The following EDIL3 variants were observed in gnomAD, a reference collection of about 807,000 sequenced individuals.
EDIL3 encodes EGF-like repeat and discoidin I-like domain-containing protein 3.
EDIL3 carries 37 observed loss-of-function variants against 67.4 expected under a neutral mutation model. That is an observed-to-expected ratio of 0.55 (90% CI 0.42 to 0.72). EDIL3 has a LOEUF of 0.72. Ranked by LOEUF, EDIL3 falls within the 30% of genes least tolerant of loss-of-function variation. EDIL3 has a pLI of 0.00. For synonymous variants in EDIL3, 195 were observed against 196.3 expected (o/e 0.99, Z 0.05); for missense variants, 527 against 586.3 (o/e 0.90, Z 1.04).
intron 3 of EDIL3, among the ~76,000 whole-genome samples, chr5:84,226,143 G>A (rs544419116): frequency 7.9e-5 from 12 of 151,528 alleles, no homozygotes; most frequent in African/African-American, 1.7e-4. Flanking sequence ...CTGAATTAAC[G>A]TACATTTTTT....
intron 1 of EDIL3, among the ~76,000 whole-genome samples, chr5:84,271,414 TACAAATAAATAAATAA>T (rs1745470500): frequency 1.0e-5 from 1 of 96,340 alleles, no homozygotes; most frequent in Non-Finnish European, 2.1e-5. Flanking sequence ...ACTCTGTCTC[TACAAATAAATAAATAA>T]ATAAATAAAT....
intron 3 of EDIL3, among the ~76,000 whole-genome samples, chr5:84,195,179 TTTC>T (rs1447693834): frequency 3.9e-5 from 6 of 151,948 alleles, no homozygotes; most frequent in African/African-American, 1.4e-4. Flanking sequence ...TCCACTATCT[TTTC>T]TTATTACCAA....
chr5:83,981,825 T>G (rs1744976134), intron 9 of EDIL3, among the ~76,000 whole-genome samples: 1 of 152,052 alleles, frequency 6.6e-6, no homozygotes, highest in Admixed American at 6.6e-5. Flanking sequence ...ATAACTAACA[T>G]TAAGTCATTC....
At chr5:84,360,006 A>AT (rs1383140384) in intron 1 of EDIL3, among the ~76,000 whole-genome samples, 7 of 152,204 alleles carry the variant, frequency 4.6e-5, no homozygotes, top group Non-Finnish European at 1.0e-4. Flanking sequence ...TACTTTTTGA[A>AT]TTATGTATCC....
chr5:84,117,731 A>C (rs1288349737), intron 5 of EDIL3, among the ~76,000 whole-genome samples: 1 of 149,360 alleles, frequency 6.7e-6, no homozygotes, highest in Non-Finnish European at 1.5e-5. Flanking sequence ...TTTTTTTTTC[A>C]TTTTGGCTTT....
At chr5:84,147,832 A>G (rs1307917665) in intron 4 of EDIL3, among the ~76,000 whole-genome samples, 1 of 152,106 alleles carries the variant, frequency 6.6e-6, no homozygotes, top group Non-Finnish European at 1.5e-5. Flanking sequence ...TTTGTTATAC[A>G]GAAAGATAAT....
intron 4 of EDIL3, among the ~76,000 whole-genome samples, chr5:84,138,081 G>T (rs1321010759): frequency 6.6e-6 from 1 of 152,114 alleles, no homozygotes; most frequent in African/African-American, 2.4e-5. Context: ...GAACACAAAA[G>T]AAACAATGAC....
chr5:84,141,730 C>T (rs1404863946), intron 4 of EDIL3, among the ~76,000 whole-genome samples: 1 of 148,808 alleles, frequency 6.7e-6, no homozygotes, highest in Non-Finnish European at 1.5e-5. Context: ...TACACAGATT[C>T]ATTGATTTTA....
At chr5:84,123,535 A>G (rs164433) in intron 5 of EDIL3, among the ~76,000 whole-genome samples, 46,484 of 151,852 alleles carry the variant, frequency 0.31, 7,691 homozygotes, top group Non-Finnish European at 0.37. Context: ...AAGTAAATTG[A>G]GTAAAATAAA....
chr5:84,301,397 T>C (rs79072162), intron 1 of EDIL3, among the ~76,000 whole-genome samples: 1,758 of 152,284 alleles, frequency 0.012, 30 homozygotes, highest in African/African-American at 0.04. Context: ...AAGATAGTTA[T>C]TATGACAGGA....
intron 9 of EDIL3, among the ~76,000 whole-genome samples, chr5:84,028,101 G>A (rs892700703): frequency 6.6e-6 from 1 of 152,110 alleles, no homozygotes; most frequent in Non-Finnish European, 1.5e-5. Context: ...ATTGTGAAAT[G>A]TAATAATCGG....
At chr5:84,222,846 C>T (rs557504825) in intron 3 of EDIL3, among the ~76,000 whole-genome samples, 1 of 151,800 alleles carries the variant, frequency 6.6e-6, no homozygotes, top group Admixed American at 6.6e-5. Context: ...TTGCGATTGA[C>T]TCATATGAGT....
At chr5:84,298,501 A>G (rs920096498) in intron 1 of EDIL3, among the ~76,000 whole-genome samples, 11 of 152,170 alleles carry the variant, frequency 7.2e-5, no homozygotes, top group Admixed American at 1.3e-4. Context: ...GCATCAGGAA[A>G]AACAGCTAAT....
At chr5:84,354,465 T>G (rs1477852605) in intron 1 of EDIL3, among the ~76,000 whole-genome samples, 3 of 152,032 alleles carry the variant, frequency 2.0e-5, no homozygotes, top group Admixed American at 6.6e-5. Flanking sequence ...GAGACCAGAC[T>G]GGCCAATGTG....
chr5:84,344,485 C>G (rs1205660079), intron 1 of EDIL3, among the ~76,000 whole-genome samples: 3 of 151,820 alleles, frequency 2.0e-5, no homozygotes, highest in Non-Finnish European at 2.9e-5. Context: ...ATTTTAAACA[C>G]GTTACCAACA....
intron 1 of EDIL3, among the ~76,000 whole-genome samples, chr5:84,267,205 T>C (rs1745368481): frequency 6.6e-6 from 1 of 152,172 alleles, no homozygotes; most frequent in Non-Finnish European, 1.5e-5. Context: ...GGTCTCTTCA[T>C]TCTCTACCCT....
At chr5:83,982,350 CA>C (rs1744984859) in intron 9 of EDIL3, among the ~76,000 whole-genome samples, 1 of 152,008 alleles carries the variant, frequency 6.6e-6, no homozygotes, top group Non-Finnish European at 1.5e-5. Flanking sequence ...ATCTATATTT[CA>C]TATTAATTTG....
intron 3 of EDIL3, among the ~76,000 whole-genome samples, chr5:84,190,593 A>G (rs455820): frequency 0.58 from 79,545 of 138,224 alleles, 22,912 homozygotes; most frequent in East Asian, 0.64. Context: ...ATATATATAT[A>G]TATATATATA....
At chr5:84,363,365 G>C (rs1247083223) in intron 1 of EDIL3, among the ~76,000 whole-genome samples, 1 of 150,904 alleles carries the variant, frequency 6.6e-6, no homozygotes, top group Non-Finnish European at 1.5e-5. Context: ...CAGGAGAATC[G>C]CTTGAACTCG....
Sources: gnomAD v4.1 joint callset for allele counts (sites outside exome capture counted in the v4.1 genomes callset) on GRCh38, gnomAD v4.1.1 for gene constraint, MANE v1.5 for transcripts, NCBI Gene and HGNC (gene_info 2026-07-23, HGNC 2026-07-21) for gene names.